NPAS2: variants seen among roughly 807,000 people sequenced by gnomAD.
NPAS2 encodes the protein neuronal PAS domain-containing protein 2.
A neutral mutation model predicts 107.5 loss-of-function variants in NPAS2; 23 were observed. The observed-to-expected ratio is 0.21, with a 90% CI of 0.15 to 0.30. The LOEUF (loss-of-function observed/expected upper bound fraction) is 0.30, where lower values mean the gene tolerates loss of function less well. NPAS2 is among the 10% of genes least tolerant of loss of function. The pLI, the probability that NPAS2 is intolerant of heterozygous loss-of-function variation, is 1.00. For synonymous variants in NPAS2, 403 were observed against 417.5 expected, an observed-to-expected ratio of 0.97 and a Z score of 0.42; for missense variants, 756 against 1,043.3, an observed-to-expected ratio of 0.72 and a Z score of 3.79.
chr2:100,882,054 A>G (rs1680384441), intron 1 of NPAS2, among the ~76,000 whole-genome samples: 1 of 152,240 alleles, frequency 6.6e-6, no homozygotes, highest in South Asian at 2.1e-4. Context: ...TCCTCAATGC[A>G]TGGCTCAGCT....
At chr2:100,893,562 G>A (rs543737416) in intron 1 of NPAS2, among the ~76,000 whole-genome samples, 26 of 152,128 alleles carry the variant, frequency 1.7e-4, no homozygotes, top group Non-Finnish European at 3.2e-4. Flanking sequence ...AACAGGCTTG[G>A]GGTAGTCATT....
At chr2:100,875,217 A>C (rs575610244) in intron 1 of NPAS2, among the ~76,000 whole-genome samples, 1 of 152,232 alleles carries the variant, frequency 6.6e-6, no homozygotes, top group East Asian at 1.9e-4. Context: ...CACCTACCTG[A>C]GTCACTTAGA....
At chr2:100,852,049 A>G (rs1678209056) in intron 1 of NPAS2, among the ~76,000 whole-genome samples, 1 of 152,162 alleles carries the variant, frequency 6.6e-6, no homozygotes, top group Non-Finnish European at 1.5e-5. Flanking sequence ...TCCCATTTTG[A>G]ACAGGAAAAA....
intron 1 of NPAS2, among the ~76,000 whole-genome samples, chr2:100,903,921 A>G (rs1270232900): frequency 6.6e-6 from 1 of 152,068 alleles, no homozygotes; most frequent in Admixed American, 6.6e-5. Flanking sequence ...GTGGTAGGAG[A>G]GGAAGCTGGA....
Position 100,820,609 on chromosome 2 carries a change from C to T in NPAS2, c.-23+195C>T, listed in dbSNP as rs1381454772. Among the ~76,000 whole-genome samples the T allele has an allele frequency of 6.6e-6, 1 of 152,052 alleles. No individual in the cohort carries two copies. The highest frequency in any genetic ancestry group is 6.5e-5 in the Admixed American group (1 of 15,280). ...GGTGGGTTCCCCTCCACAGTCAGGC[C>T]GCTGGGGGCTTCGCGTCCTGCAGGA... is the stretch of plus-strand genomic sequence containing the variant. On this transcript the variant is annotated intron_variant, in intron 1 of 20. Transcript: ENST00000335681. This position sits in a 1 kb window ranked among gnomAD's most constrained non-coding sequence, Gnocchi z 5.6.
intron 1 of NPAS2, among the ~76,000 whole-genome samples, chr2:100,828,053 C>G (rs1239544786): frequency 6.6e-6 from 1 of 151,256 alleles, no homozygotes; most frequent in African/African-American, 2.4e-5. Context: ...TTAGTGTTCT[C>G]TTGTCTCCAC....
chr2:100,942,063 T>C (rs1674606810), intron 5 of NPAS2, among the ~76,000 whole-genome samples: 1 of 152,124 alleles, frequency 6.6e-6, no homozygotes, highest in Non-Finnish European at 1.5e-5. Context: ...GTGCCTTGGA[T>C]GTGAGAACTA....
intron 7 of NPAS2, among the ~76,000 whole-genome samples, chr2:100,957,874 G>C (rs1431263050): frequency 6.6e-6 from 1 of 152,190 alleles, no homozygotes; most frequent in Non-Finnish European, 1.5e-5. Flanking sequence ...CTTGCCGTGA[G>C]CTGAGATCGC....
chr2:100,923,833 G>A (rs73967700), intron 2 of NPAS2, among the ~76,000 whole-genome samples: 2,024 of 152,320 alleles, frequency 0.013, 60 homozygotes, highest in African/African-American at 0.047. Context: ...GCGTGTCATT[G>A]AAGATGGAGG....
chr2:100,911,336 G>C (rs933030340), intron 2 of NPAS2, among the ~76,000 whole-genome samples: 4 of 152,120 alleles, frequency 2.6e-5, no homozygotes, highest in Admixed American at 6.5e-5. Flanking sequence ...TATGTCATCT[G>C]TATTCCCATT....
chr2:100,819,867 G>C (rs918842008), upstream of NPAS2, among the ~76,000 whole-genome samples: 7 of 152,066 alleles, frequency 4.6e-5, no homozygotes, highest in Non-Finnish European at 1.0e-4. This position sits in a 1 kb window ranked among gnomAD's most constrained non-coding sequence, Gnocchi z 5.8. Flanking sequence ...GTCCCTGGCA[G>C]CCCAGCAGAG....
At position 100,965,763 on chromosome 2, in the gene NPAS2, C is replaced by T; in HGVS notation, c.904C>T (p.His302Tyr). The T allele has an allele frequency of 6.2e-7, 1 of 1,607,370 alleles. No homozygotes were observed. The highest frequency in any genetic ancestry group is 8.5e-7 in the Non-Finnish European group (1 of 1,174,010). The change falls in exon 10 of 21, where the codon CAC (histidine) becomes TAC (tyrosine). Residue 302 changes from histidine to tyrosine, a missense_variant. Around this residue, in one of 4 missense-constraint regions of NPAS2, gnomAD observed 84 missense variants for 175.5 expected, o/e 0.48. Transcript: ENST00000335681. The surrounding 1 kb of genome is among the most constrained non-coding windows in gnomAD (Gnocchi z 4.3). Reference protein sequence around the residue: ...DLELLARCHQHLMQFGKGKSC... With the variant: ...DLELLARCHQYLMQFGKGKSC... ...GGAGCTCCTGGCCAGGTGTCACCAG[C>T]ACCGTGAGTACCACTGCCCAGCCCA... is the stretch of plus-strand genomic sequence containing the variant.
At chr2:100,964,495 C>T (rs992177223) in intron 8 of NPAS2, among the ~76,000 whole-genome samples, 6 of 152,170 alleles carry the variant, frequency 3.9e-5, no homozygotes, top group East Asian at 1.9e-4. Context: ...AGTGTTGGAG[C>T]GCTGGGGGTT....
intron 4 of NPAS2, among the ~76,000 whole-genome samples, chr2:100,936,913 C>T (rs1684338479): frequency 1.4e-5 from 2 of 139,936 alleles, no homozygotes; most frequent in Non-Finnish European, 3.0e-5. Flanking sequence ...ACCTGGGAAG[C>T]AGAGGTGGCA....
At chr2:100,949,254 C>A in intron 6 of NPAS2, 113 bp from the exon 7 acceptor site, 1 of 701,894 alleles carries the variant, frequency 1.4e-6, no homozygotes, top group Admixed American at 2.4e-5. Context: ...AGAGAACTAG[C>A]CTGGCCATGT....
intron 1 of NPAS2, among the ~76,000 whole-genome samples, chr2:100,824,893 G>A (rs1222803234): frequency 6.6e-6 from 1 of 152,178 alleles, no homozygotes; most frequent in Non-Finnish European, 1.5e-5. Context: ...GATGTTTAGG[G>A]GGAAGGAAAA....
intron 2 of NPAS2, among the ~76,000 whole-genome samples, chr2:100,911,765 G>A (rs556545314): frequency 1.3e-5 from 2 of 152,064 alleles, no homozygotes; most frequent in South Asian, 4.1e-4. Flanking sequence ...CTGAGTAGCT[G>A]GGATTACATG....
chr2:100,926,941 CT>C (rs71378131), intron 3 of NPAS2, among the ~76,000 whole-genome samples: 5,317 of 126,776 alleles, frequency 0.042, 85 homozygotes, highest in East Asian at 0.16. Context: ...TTTTTTCTTT[CT>C]TTTTTTTTTT....
chr2:100,860,413 G>A (rs752574805), intron 1 of NPAS2, among the ~76,000 whole-genome samples: 22 of 152,278 alleles, frequency 1.4e-4, no homozygotes, highest in Non-Finnish European at 3.1e-4. Context: ...AGGTTTCTCC[G>A]CTGAACTATT....
Sources: gnomAD v4.1 joint callset for allele counts (sites outside exome capture counted in the v4.1 genomes callset) on GRCh38, gnomAD v4.1.1 for gene constraint, gnomAD v4.1.1 regional missense constraint, Gnocchi (gnomAD v3.1) non-coding constraint, MANE v1.5 for transcripts, NCBI Gene and HGNC (gene_info 2026-07-23, HGNC 2026-07-21) for gene names.